Variants in EDIL3 observed in about 807,000 individuals in gnomAD.
The protein encoded by EDIL3 is EGF like and discoidin domains 3.
A neutral mutation model predicts 67.4 loss-of-function variants in EDIL3; 37 were observed. The ratio of observed to expected loss-of-function variants is 0.55; its 90% CI spans 0.42 to 0.72. The LOEUF is 0.72. Ranked by LOEUF, EDIL3 falls within the 30% of genes least tolerant of loss-of-function variation. EDIL3 has a pLI of 0.00. For missense variants in EDIL3, 527 were observed against 586.3 expected (o/e 0.90, Z 1.04); for synonymous variants, 195 against 196.3 (o/e 0.99, Z 0.05).
chr5:84,111,755 G>T (rs937062249), intron 5 of EDIL3, among the ~76,000 whole-genome samples: 3 of 152,178 alleles, frequency 2.0e-5, no homozygotes, highest in Non-Finnish European at 2.9e-5. Context: ...ATCTCTGAAT[G>T]GGAAGAAGGA....
chr5:84,075,034 C>T (rs1461183726), intron 6 of EDIL3, among the ~76,000 whole-genome samples: 5 of 152,134 alleles, frequency 3.3e-5, no homozygotes, highest in East Asian at 1.9e-4. Context: ...AAATGATGAG[C>T]TCATGTTCTT....
chr5:84,137,321 T>C lies in EDIL3; in HGVS notation c.389A>G (p.Asn130Ser). The C allele has an allele frequency of 1.9e-6, 3 of 1,613,450 alleles. No homozygotes were observed. The highest frequency in any genetic ancestry group is 2.5e-6 in the Non-Finnish European group (3 of 1,179,808). ...INECEVEPCK[N>S]GGICTDLVAN... ...AACAAGATCTGTACATATTCCACCA[T>C]TTTTGCAAGGCTCAACTTCGCATTC... The change falls in exon 5 of 11, where the codon AAT becomes AGT. Residue 130 changes from asparagine to serine, a missense_variant. By Grantham distance (46) the Asn-to-Ser change is conservative. This residue lies in a region of EDIL3 where 494 missense variants were observed against 522.5 expected (regional missense o/e 0.95). Coordinates refer to ENST00000296591, the MANE Select transcript of EDIL3 (RefSeq NM_005711.5).
chr5:84,005,749 T>G lies in EDIL3; in HGVS notation c.1138-42389A>C, dbSNP rs144069491. 4.6e-4 allele frequency among the ~76,000 whole-genome samples: 70 copies of G among 152,142 alleles called. No homozygotes were observed. The Middle Eastern group carries it at 0.01, about 22-fold the overall frequency. ...TGGGCAAAAGCTGGAAGCATTACCC[T>G]TGAGAACTGGAATGAGACAAGGATG... On this transcript the variant is annotated intron_variant, in intron 9 of 10. Transcript: ENST00000296591.
chr5:84,134,337 ATACAGTT>A (rs1437764598), intron 5 of EDIL3, among the ~76,000 whole-genome samples: 15 of 152,208 alleles, frequency 9.9e-5, no homozygotes, highest in Non-Finnish European at 1.9e-4. Flanking sequence ...CAGCCTTAAT[ATACAGTT>A]TAAAATTGAA....
At chr5:84,099,271 A>G (rs1413230790) in intron 6 of EDIL3, among the ~76,000 whole-genome samples, 2 of 152,106 alleles carry the variant, frequency 1.3e-5, no homozygotes, top group Non-Finnish European at 2.9e-5. Flanking sequence ...ATACAGAACC[A>G]AAAAAAGCCT....
intron 9 of EDIL3, among the ~76,000 whole-genome samples, chr5:84,027,274 GC>G (rs1299913990): frequency 2.6e-5 from 4 of 152,268 alleles, no homozygotes; most frequent in Non-Finnish European, 5.9e-5. Flanking sequence ...TGAAGTATAA[GC>G]CCCAAAAGGG....
At chr5:84,106,859 A>T (rs191539518) in intron 5 of EDIL3, 29 bp from the exon 6 acceptor site, 96 of 1,576,622 alleles carry the variant, frequency 6.1e-5, no homozygotes, top group Non-Finnish European at 7.5e-5. Context: ...AAAAATATGA[A>T]TGTATTAGAA....
chr5:84,281,573 T>G (rs746111742), intron 1 of EDIL3, among the ~76,000 whole-genome samples: 9 of 152,220 alleles, frequency 5.9e-5, no homozygotes, highest in Non-Finnish European at 1.2e-4. Flanking sequence ...ACATCTGTGA[T>G]CACAGTGTGG....
At chr5:83,978,199 C>A (rs1744906744) in intron 9 of EDIL3, among the ~76,000 whole-genome samples, 1 of 151,914 alleles carries the variant, frequency 6.6e-6, no homozygotes, top group Non-Finnish European at 1.5e-5. Flanking sequence ...TGTAACATTT[C>A]TATCCACTAG....
chr5:84,263,128 AC>A (rs1345837678), intron 1 of EDIL3, among the ~76,000 whole-genome samples: 1 of 152,134 alleles, frequency 6.6e-6, no homozygotes, highest in Non-Finnish European at 1.5e-5. Flanking sequence ...AAAGACTCTC[AC>A]AAAAAGACAC....
At chr5:84,076,562 G>A (rs908456667) in intron 6 of EDIL3, among the ~76,000 whole-genome samples, 4 of 152,068 alleles carry the variant, frequency 2.6e-5, no homozygotes, top group East Asian at 1.9e-4. Flanking sequence ...TTTTCTAAGC[G>A]ATGACACATT....
At chr5:84,262,659 G>GTTATTTTT (rs1745250726) in intron 1 of EDIL3, among the ~76,000 whole-genome samples, 1 of 46,310 alleles carries the variant, frequency 2.2e-5, no homozygotes, top group African/African-American at 8.7e-5. Flanking sequence ...AGGTTGGTTG[G>GTTATTTTT]TTTTTTTTTT....
intron 9 of EDIL3, among the ~76,000 whole-genome samples, chr5:84,022,233 T>G (rs757610706): frequency 1.7e-4 from 26 of 151,972 alleles, no homozygotes; most frequent in South Asian, 4.1e-4. Context: ...TTGAGATTTA[T>G]ACCAGGGATG....
chr5:84,071,273 G>C (rs1263317287), intron 6 of EDIL3, among the ~76,000 whole-genome samples: 1 of 152,194 alleles, frequency 6.6e-6, no homozygotes, highest in African/African-American at 2.4e-5. Context: ...TGTAGTAGCT[G>C]AAGCTGGGAC....
At chr5:84,298,081 A>G (rs1200120352) in intron 1 of EDIL3, among the ~76,000 whole-genome samples, 5 of 152,146 alleles carry the variant, frequency 3.3e-5, no homozygotes, top group African/African-American at 1.2e-4. Context: ...AGCTTCTCCC[A>G]ACACTCAGCT....
At chr5:83,989,029 ATTAAGTT>A (rs1331001656) in intron 9 of EDIL3, among the ~76,000 whole-genome samples, 2 of 152,180 alleles carry the variant, frequency 1.3e-5, no homozygotes, top group African/African-American at 4.8e-5. Flanking sequence ...AAAATCAAAT[ATTAAGTT>A]TTTTGTTGGC....
chr5:84,371,319 G>GTATATATATATATATATATATATATA (rs71607709), intron 1 of EDIL3, among the ~76,000 whole-genome samples: 32 of 115,482 alleles, frequency 2.8e-4, no homozygotes, highest in Middle Eastern at 5.3e-3. Flanking sequence ...TAGATAAAAA[G>GTATATATATATATATATATATATATA]TATATATATA....
At chr5:84,346,434 T>C (rs1435440609) in intron 1 of EDIL3, among the ~76,000 whole-genome samples, 1 of 152,140 alleles carries the variant, frequency 6.6e-6, no homozygotes, top group Non-Finnish European at 1.5e-5. Flanking sequence ...CTATGAGAGA[T>C]GTTCAGATCC....
chr5:84,138,922 A>C (rs560341327), intron 4 of EDIL3, among the ~76,000 whole-genome samples: 1 of 152,310 alleles, frequency 6.6e-6, no homozygotes, highest in South Asian at 2.1e-4. Context: ...AATCTCTAAA[A>C]AGATGGATCT....
Sources: allele counts gnomAD v4.1 joint callset (sites outside exome capture counted in the v4.1 genomes callset), GRCh38; gene constraint gnomAD v4.1.1; regional missense constraint gnomAD v4.1.1; transcripts MANE v1.5; gene names NCBI Gene and HGNC (gene_info 2026-07-23, HGNC 2026-07-21).